Variants in ASIP observed in about 807,000 individuals in gnomAD.
ASIP encodes the protein agouti signaling protein.
A neutral mutation model predicts 10.3 loss-of-function variants in ASIP; 11 were observed. That is an observed-to-expected ratio of 1.07 (90% CI 0.68 to 1.78). ASIP has a LOEUF of 1.78. Among genes scored for constraint, ASIP ranks in the 40% most tolerant of loss-of-function variants. The probability of loss-of-function intolerance (pLI) is 0.00; values close to 1 mark genes in which losing one functional copy is unlikely to be tolerated. For synonymous variants in ASIP, 70 were observed against 70.8 expected (o/e 0.99, Z 0.06); for missense variants, 180 against 169.2 (o/e 1.06, Z -0.35).
intron 1 of ASIP, among the ~76,000 whole-genome samples, chr20:34,223,437 A>T (rs1337779203): frequency 6.8e-6 from 1 of 148,024 alleles, no homozygotes; most frequent in African/African-American, 2.5e-5. Flanking sequence ...CCCGGCAGCC[A>T]CCCCATCTGG....
At chr20:34,205,376 C>T (rs2034928205) in intron 1 of ASIP, among the ~76,000 whole-genome samples, 1 of 151,378 alleles carries the variant, frequency 6.6e-6, no homozygotes, top group African/African-American at 2.4e-5. Context: ...TGTTACAGCT[C>T]ATAGAGGCGG....
At chr20:34,195,650 T>C (rs1601566836) in intron 1 of ASIP, among the ~76,000 whole-genome samples, 2 of 152,322 alleles carry the variant, frequency 1.3e-5, no homozygotes, top group Admixed American at 1.3e-4. Context: ...AGTGACAAAT[T>C]GCAGGTTGAA....
intron 1 of ASIP, among the ~76,000 whole-genome samples, chr20:34,224,068 G>A (rs1234225411): frequency 7.6e-6 from 1 of 132,142 alleles, no homozygotes. Flanking sequence ...AGTAATCAGG[G>A]ACACAAACAC....
intron 1 of ASIP, among the ~76,000 whole-genome samples, chr20:34,227,100 A>C (rs1388152571): frequency 6.6e-6 from 1 of 152,212 alleles, no homozygotes. Context: ...AATCCAATGA[A>C]GTCCTTAAAA....
At chr20:34,265,047 T>G (rs541778087) in intron 3 of ASIP, among the ~76,000 whole-genome samples, 1 of 152,100 alleles carries the variant, frequency 6.6e-6, no homozygotes, top group Non-Finnish European at 1.5e-5. Flanking sequence ...CCGCTGCTTC[T>G]GTCTCCTAAA....
At chr20:34,191,004 A>G (rs1478276933), upstream of ASIP, among the ~76,000 whole-genome samples, 1 of 152,190 alleles carries the variant, frequency 6.6e-6, no homozygotes, top group Non-Finnish European at 1.5e-5. Flanking sequence ...ATGCACCCCC[A>G]TATGCACATA....
At chr20:34,245,999 T>G in intron 1 of ASIP, 1 of 1,168,530 alleles carries the variant, frequency 8.6e-7, no homozygotes, top group South Asian at 1.3e-5. Context: ...ATCATCTACT[T>G]CTGGCCATTT....
At chr20:34,267,721 G>A (rs551784042) in intron 3 of ASIP, among the ~76,000 whole-genome samples, 339 of 151,812 alleles carry the variant, frequency 2.2e-3, no homozygotes, top group Non-Finnish European at 4.0e-3. Context: ...TAGTAGAGAC[G>A]GGTTTCTCCA....
chr20:34,212,184 A>G (rs1193247009), intron 1 of ASIP, among the ~76,000 whole-genome samples: 4 of 152,180 alleles, frequency 2.6e-5, no homozygotes, highest in African/African-American at 4.8e-5. Flanking sequence ...CACCTAATAG[A>G]TTACTCTTTA....
upstream of ASIP, among the ~76,000 whole-genome samples, chr20:34,238,286 T>C (rs1353196957): frequency 2.0e-5 from 3 of 152,132 alleles, no homozygotes; most frequent in Non-Finnish European, 4.4e-5. Flanking sequence ...AGAGAATGCA[T>C]ATGTTTTTCT....
chr20:34,215,414 G>A, intron 1 of ASIP: 1 of 1,540,108 alleles, frequency 6.5e-7, no homozygotes, highest in Non-Finnish European at 9.0e-7. Context: ...TCTGATGTAT[G>A]CACCACATCA....
In ASIP at chr20:34,251,563, C is replaced by T. The variant is rs770829773; in HGVS notation, c.-10-8802C>T. On this transcript the variant is annotated intron_variant, in intron 1 of 3. Coordinates refer to ENST00000374954, the MANE Select transcript of ASIP (RefSeq NM_001672.3). ...TGCTGGGATTACAGGCATGAGCCAC[C>T]GCGCCTGACCTTCTCTGTGTAACTA... Among the ~76,000 whole-genome samples, 6 of 152,270 alleles carry T rather than the reference C, an allele frequency of 3.9e-5. No individual in the cohort carries two copies. The South Asian group carries it at 6.2e-4, about 16-fold the overall frequency.
chr20:34,219,519 A>G (rs904236738), intron 1 of ASIP, among the ~76,000 whole-genome samples: 2 of 152,250 alleles, frequency 1.3e-5, no homozygotes, highest in Non-Finnish European at 2.9e-5. Context: ...AGAAGTTCTT[A>G]TTTAAACAAT....
At chr20:34,199,373 T>C (rs902562176) in intron 1 of ASIP, among the ~76,000 whole-genome samples, 1 of 152,162 alleles carries the variant, frequency 6.6e-6, no homozygotes, top group African/African-American at 2.4e-5. Flanking sequence ...GACATGTGTG[T>C]TCCGCTTTTA....
At chr20:34,190,441 T>C (rs1285108566), upstream of ASIP, among the ~76,000 whole-genome samples, 1 of 152,224 alleles carries the variant, frequency 6.6e-6, no homozygotes, top group Non-Finnish European at 1.5e-5. Context: ...CTATTCCCAT[T>C]TTCCCTGGGT....
rs865910574 is a variant in ASIP at position 34,260,258 on chromosome 20, G to C, written c.-10-107G>C. 85 of 1,164,620 alleles carry C rather than the reference G, an allele frequency of 7.3e-5. No individual in the cohort carries two copies. The Middle Eastern group carries it at 1.2e-3, about 17-fold the overall frequency. 72.1% of individuals were successfully genotyped at this position (1,164,620 alleles called of 1,614,324 possible). ...ATCCTCCAGCTCCACCAGGACACTT[G>C]CCTAACAGGGTCACAACACCAGCCC... On this transcript the variant is annotated intron_variant, in intron 1 of 3. Coordinates refer to ENST00000374954, the MANE Select transcript of ASIP (RefSeq NM_001672.3).
chr20:34,246,412 AC>A, intron 1 of ASIP: 1 of 1,369,968 alleles, frequency 7.3e-7, no homozygotes, highest in Non-Finnish European at 1.0e-6. Context: ...GCATATATTC[AC>A]AGTACTCTGT....
intron 2 of ASIP, 113 bp downstream of exon 2, chr20:34,260,647 G>A (rs1488313938): frequency 1.2e-5 from 15 of 1,230,030 alleles, no homozygotes; most frequent in African/African-American, 4.5e-5. Context: ...CTTCTTGCTC[G>A]TTCCAGGAAA....
At chr20:34,216,297 C>A (rs2035008117) in intron 1 of ASIP, among the ~76,000 whole-genome samples, 1 of 152,322 alleles carries the variant, frequency 6.6e-6, no homozygotes, top group East Asian at 1.9e-4. Flanking sequence ...GCGCCCTCTC[C>A]GAGTAGGTGC....
Sources: allele counts gnomAD v4.1 joint callset (sites outside exome capture counted in the v4.1 genomes callset), GRCh38; gene constraint gnomAD v4.1.1; transcripts MANE v1.5; gene names NCBI Gene and HGNC (gene_info 2026-07-23, HGNC 2026-07-21).